The following HEMK2 variants were observed in gnomAD, a reference collection of about 807,000 sequenced individuals.
HEMK2 encodes methyltransferase HEMK2.
chr21:28,868,563 G>A, the HEMK2 span, among the ~76,000 whole-genome samples: 62 of 152,106 alleles, frequency 4.1e-4, no homozygotes, highest in Non-Finnish European at 6.9e-4. Flanking sequence ...GCACACCTGT[G>A]GTCCCAGAAA....
At chr21:28,636,495 T>G in the HEMK2 span, among the ~76,000 whole-genome samples, 2 of 152,110 alleles carry the variant, frequency 1.3e-5, no homozygotes, top group African/African-American at 4.8e-5. Context: ...ATGCTTTTAC[T>G]TTTGCCTCCA....
chr21:28,623,014 C>G, the HEMK2 span, among the ~76,000 whole-genome samples: 1 of 152,086 alleles, frequency 6.6e-6, no homozygotes, highest in South Asian at 2.1e-4. Flanking sequence ...AGCTTCTACA[C>G]AGCAAAAGAA....
the HEMK2 span, among the ~76,000 whole-genome samples, chr21:28,687,281 G>A: frequency 6.6e-6 from 1 of 152,108 alleles, no homozygotes; most frequent in Non-Finnish European, 1.5e-5. Context: ...CTGCACCTGG[G>A]GCTAGGACCC....
At chr21:28,752,216 T>C in the HEMK2 span, among the ~76,000 whole-genome samples, 4 of 152,192 alleles carry the variant, frequency 2.6e-5, 1 homozygote, top group Admixed American at 2.0e-4. Context: ...AGTCCAATCT[T>C]ACAGAGCTAA....
chr21:28,673,752 C>T, the HEMK2 span, among the ~76,000 whole-genome samples: 1 of 104,906 alleles, frequency 9.5e-6, no homozygotes, highest in Non-Finnish European at 1.9e-5. Context: ...ATATAACCCA[C>T]ATATATGGTC....
the HEMK2 span, among the ~76,000 whole-genome samples, chr21:28,605,475 C>G: frequency 6.6e-6 from 1 of 152,174 alleles, no homozygotes; most frequent in Non-Finnish European, 1.5e-5. Context: ...ATGTCAAAAG[C>G]ACTTGTTCTA....
At chr21:28,666,994 T>C in the HEMK2 span, among the ~76,000 whole-genome samples, 1 of 152,134 alleles carries the variant, frequency 6.6e-6, no homozygotes, top group Admixed American at 6.5e-5. Flanking sequence ...TTTGGAATCA[T>C]AAAACTATGG....
chr21:28,785,208 C>A, the HEMK2 span, among the ~76,000 whole-genome samples: 1 of 152,222 alleles, frequency 6.6e-6, no homozygotes, highest in African/African-American at 2.4e-5. Flanking sequence ...GTAACACTCA[C>A]CGCAAGGGTC....
At chr21:28,660,564 G>T in the HEMK2 span, among the ~76,000 whole-genome samples, 1 of 151,372 alleles carries the variant, frequency 6.6e-6, no homozygotes. Context: ...GACTACATTG[G>T]TTTATGATCA....
the HEMK2 span, among the ~76,000 whole-genome samples, chr21:28,838,998 T>TATATATATATAC: frequency 3.5e-5 from 2 of 57,962 alleles, no homozygotes; most frequent in African/African-American, 1.0e-4. Flanking sequence ...TATATATATA[T>TATATATATATAC]ATACATATAT....
At chr21:28,732,301 G>T in the HEMK2 span, among the ~76,000 whole-genome samples, 197 of 152,360 alleles carry the variant, frequency 1.3e-3, 1 homozygote, top group South Asian at 3.5e-3. Context: ...GTCACAGTTA[G>T]TGTTCTTTAT....
chr21:28,818,057 G>A, the HEMK2 span, among the ~76,000 whole-genome samples: 3 of 152,176 alleles, frequency 2.0e-5, no homozygotes, highest in African/African-American at 4.8e-5. Flanking sequence ...GTGTCTGTGA[G>A]GGTGTTGCCA....
chr21:28,633,250 T>C, the HEMK2 span, among the ~76,000 whole-genome samples: 1 of 152,190 alleles, frequency 6.6e-6, no homozygotes, highest in South Asian at 2.1e-4. Flanking sequence ...TCAAAAGGCC[T>C]GCCAGCACTA....
chr21:28,847,268 C>A, the HEMK2 span, among the ~76,000 whole-genome samples: 2,328 of 152,294 alleles, frequency 0.015, 47 homozygotes, highest in African/African-American at 0.052. Context: ...CTTTTCTCTG[C>A]AACCTCACCA....
chr21:28,787,880 G>A, the HEMK2 span, among the ~76,000 whole-genome samples: 1 of 152,020 alleles, frequency 6.6e-6, no homozygotes, highest in Non-Finnish European at 1.5e-5. Flanking sequence ...AGAAAAATAA[G>A]TCATTATTGG....
At chr21:28,872,813 C>T in the HEMK2 span, 2 of 152,286 alleles carry the variant, frequency 1.3e-5, no homozygotes, top group South Asian at 4.1e-4. Context: ...TTCTTCCTTC[C>T]TCTGCCTTTT....
the HEMK2 span, among the ~76,000 whole-genome samples, chr21:28,826,268 C>T: frequency 6.6e-6 from 1 of 152,156 alleles, no homozygotes; most frequent in African/African-American, 2.4e-5. Flanking sequence ...AAGTACACAT[C>T]AGTAGGGGAA....
At chr21:28,831,507 GAA>G in the HEMK2 span, among the ~76,000 whole-genome samples, 1 of 82,888 alleles carries the variant, frequency 1.2e-5, no homozygotes, top group East Asian at 3.8e-4. Context: ...AAGAAAGAAA[GAA>G]AGAAAGAAAG....
At chr21:28,834,584 C>T in the HEMK2 span, among the ~76,000 whole-genome samples, 55 of 152,270 alleles carry the variant, frequency 3.6e-4, 1 homozygote, top group South Asian at 0.011. Flanking sequence ...TAAAACTACA[C>T]AAGGAGAAGG....
Sources: allele counts gnomAD v4.1 joint callset (sites outside exome capture counted in the v4.1 genomes callset), GRCh38; gene constraint gnomAD v4.1.1; transcripts MANE v1.5; gene names NCBI Gene and HGNC (gene_info 2026-07-23, HGNC 2026-07-21).